The following SLC24A2 variants were observed in gnomAD, a reference collection of about 807,000 sequenced individuals.
SLC24A2 encodes solute carrier family 24 member 2, also known as sodium/potassium/calcium exchanger 2.
A neutral mutation model predicts 62.0 loss-of-function variants in SLC24A2; 36 were observed. The observed-to-expected ratio is 0.58, with a 90% CI of 0.44 to 0.77. The LOEUF is 0.77. Among genes scored for constraint, SLC24A2 ranks in the 30% least tolerant of loss-of-function variants. The probability of loss-of-function intolerance (pLI) is 0.00; values close to 1 mark genes in which losing one functional copy is unlikely to be tolerated. For synonymous variants in SLC24A2, 358 were observed against 294.0 expected (o/e 1.22, Z -2.23); for missense variants, 846 against 817.9 (o/e 1.03, Z -0.42).
At chr9:20,298,485 T>G in the SLC24A2 span, among the ~76,000 whole-genome samples, 2 of 152,222 alleles carry the variant, frequency 1.3e-5, no homozygotes, top group Non-Finnish European at 2.9e-5. Context: ...TGCCTCGGCC[T>G]CCCAAAGTGC....
the SLC24A2 span, among the ~76,000 whole-genome samples, chr9:20,096,579 T>G: frequency 6.6e-6 from 1 of 152,194 alleles, no homozygotes; most frequent in African/African-American, 2.4e-5. Flanking sequence ...TCTCTGAATC[T>G]CTTTCTGTTT....
the SLC24A2 span, among the ~76,000 whole-genome samples, chr9:19,955,706 T>C: frequency 6.6e-6 from 1 of 152,304 alleles, no homozygotes; most frequent in Non-Finnish European, 1.5e-5. Context: ...AAAATGCTTT[T>C]CTATAGAAAA....
the SLC24A2 span, among the ~76,000 whole-genome samples, chr9:20,097,562 A>G: frequency 6.6e-6 from 1 of 152,012 alleles, no homozygotes; most frequent in Non-Finnish European, 1.5e-5. Flanking sequence ...TCTGAACCCT[A>G]TGACATGAGT....
chr9:20,274,428 A>G, the SLC24A2 span, among the ~76,000 whole-genome samples: 8 of 152,216 alleles, frequency 5.3e-5, no homozygotes, highest in Non-Finnish European at 1.0e-4. Flanking sequence ...TGATCAAAAA[A>G]GTGTCCTGAT....
At chr9:19,555,558 G>A (rs1213993692) in intron 7 of SLC24A2, among the ~76,000 whole-genome samples, 2 of 152,054 alleles carry the variant, frequency 1.3e-5, no homozygotes, top group Non-Finnish European at 2.9e-5. Context: ...AAGTAGCCTC[G>A]AATCTTGTGA....
At chr9:19,907,423 G>A in the SLC24A2 span, among the ~76,000 whole-genome samples, 1 of 152,174 alleles carries the variant, frequency 6.6e-6, no homozygotes, top group East Asian at 1.9e-4. Flanking sequence ...GCACAAGACA[G>A]GGATGCCCTC....
At chr9:19,790,714 T>C (rs766754015), upstream of SLC24A2, among the ~76,000 whole-genome samples, 108 of 152,298 alleles carry the variant, frequency 7.1e-4, no homozygotes, top group Non-Finnish European at 1.4e-3. Context: ...TTATTTTGCC[T>C]TTTCTATACA....
chr9:19,940,592 G>A, the SLC24A2 span, among the ~76,000 whole-genome samples: 2 of 152,040 alleles, frequency 1.3e-5, no homozygotes, highest in Non-Finnish European at 2.9e-5. Flanking sequence ...AAGGCTTGTG[G>A]AATCTGTTTT....
chr9:19,844,869 G>T, the SLC24A2 span, among the ~76,000 whole-genome samples: 1 of 151,268 alleles, frequency 6.6e-6, no homozygotes, highest in Non-Finnish European at 1.5e-5. Context: ...TGTTCCATTG[G>T]TCTATATGTC....
chr9:19,977,113 TTGTGTGTGTGTG>T, the SLC24A2 span, among the ~76,000 whole-genome samples: 2 of 145,220 alleles, frequency 1.4e-5, no homozygotes, highest in Admixed American at 6.9e-5. Context: ...ATTTCTATAT[TTGTGTGTGTGTG>T]TGTGTGTGTG....
At chr9:20,114,550 G>A in the SLC24A2 span, among the ~76,000 whole-genome samples, 1 of 152,086 alleles carries the variant, frequency 6.6e-6, no homozygotes, top group East Asian at 1.9e-4. Context: ...CATCCCAAAA[G>A]TTCCAAGGAG....
At chr9:20,059,160 C>G in the SLC24A2 span, among the ~76,000 whole-genome samples, 1 of 152,132 alleles carries the variant, frequency 6.6e-6, no homozygotes. Context: ...ATTAAGAATT[C>G]CAAGATGAGA....
chr9:19,768,779 A>T (rs1257111629), intron 2 of SLC24A2, among the ~76,000 whole-genome samples: 1 of 152,186 alleles, frequency 6.6e-6, no homozygotes, highest in Admixed American at 6.5e-5. Context: ...GAAACTGTGG[A>T]AAAGGAGGGA....
chr9:20,255,425 G>C, the SLC24A2 span, among the ~76,000 whole-genome samples: 3 of 152,158 alleles, frequency 2.0e-5, no homozygotes, highest in Admixed American at 2.0e-4. Context: ...TAAAACACCA[G>C]TTCTTAGTTT....
intron 2 of SLC24A2, among the ~76,000 whole-genome samples, chr9:19,685,996 G>A (rs1399487011): frequency 6.6e-6 from 1 of 151,908 alleles, no homozygotes; most frequent in Admixed American, 6.6e-5. Flanking sequence ...TACATAATGG[G>A]AAAAATATTC....
the SLC24A2 span, among the ~76,000 whole-genome samples, chr9:20,054,528 C>T: frequency 2.0e-5 from 3 of 152,072 alleles, no homozygotes; most frequent in East Asian, 1.9e-4. Context: ...GTGCACCCAT[C>T]GCCCAAGCAG....
chr9:20,282,140 A>C, the SLC24A2 span, among the ~76,000 whole-genome samples: 1 of 152,178 alleles, frequency 6.6e-6, no homozygotes, highest in Non-Finnish European at 1.5e-5. Flanking sequence ...AAACTATTAA[A>C]ACTGACAAAA....
the SLC24A2 span, among the ~76,000 whole-genome samples, chr9:19,935,041 ATTTATTTTAT>A: frequency 6.6e-5 from 10 of 151,196 alleles, no homozygotes; most frequent in South Asian, 4.2e-4. Flanking sequence ...TATTTTATTT[ATTTATTTTAT>A]TTTATTTTAT....
At chr9:19,528,972 G>A (rs891799558) in intron 8 of SLC24A2, among the ~76,000 whole-genome samples, 1 of 152,170 alleles carries the variant, frequency 6.6e-6, no homozygotes, top group Admixed American at 6.5e-5. Context: ...TCAGACACTT[G>A]AAATGCAGTG....
Sources: gnomAD v4.1 joint callset for allele counts (sites outside exome capture counted in the v4.1 genomes callset) on GRCh38, gnomAD v4.1.1 for gene constraint, MANE v1.5 for transcripts, NCBI Gene and HGNC (gene_info 2026-07-23, HGNC 2026-07-21) for gene names.